The following GTF2I variants were observed in gnomAD, a reference collection of about 807,000 sequenced individuals.
The protein encoded by GTF2I is general transcription factor II-I.
A neutral mutation model predicts 67.6 loss-of-function variants in GTF2I; 12 were observed. The observed-to-expected ratio is 0.18, with a 90% confidence interval of 0.11 to 0.29. The LOEUF is 0.29. Among genes scored for constraint, GTF2I ranks in the 10% least tolerant of loss-of-function variants. The pLI is 1.00. For missense variants in GTF2I, 271 were observed against 580.1 expected, an observed-to-expected ratio of 0.47 and a Z score of 5.47; for synonymous variants, 149 against 197.0, an observed-to-expected ratio of 0.76 and a Z score of 2.04.
At chr7:74,725,174 G>A (rs895685180) in intron 12 of GTF2I, among the ~76,000 whole-genome samples, 1 of 152,102 alleles carries the variant, frequency 6.6e-6, no homozygotes, top group African/African-American at 2.4e-5. Context: ...TTTGTGGAAA[G>A]GATTTTAGGT....
intron 1 of GTF2I, among the ~76,000 whole-genome samples, chr7:74,682,639 T>G (rs587649891): frequency 6.6e-6 from 1 of 152,268 alleles, no homozygotes; most frequent in East Asian, 1.9e-4. Flanking sequence ...TAAGTAATTT[T>G]TTCACGTAAA....
intron 11 of GTF2I, among the ~76,000 whole-genome samples, chr7:74,718,081 G>C (rs1400722085): frequency 1.3e-5 from 2 of 152,166 alleles, no homozygotes; most frequent in Non-Finnish European, 2.9e-5. Context: ...GGGCAGTACC[G>C]ATGGCTCACC....
chr7:74,705,473 A>G (rs1278491888), intron 7 of GTF2I, among the ~76,000 whole-genome samples: 2 of 152,060 alleles, frequency 1.3e-5, no homozygotes, highest in African/African-American at 4.8e-5. Context: ...GGAAGTTAAT[A>G]TGCTATTCTG....
chr7:74,720,906 T>C (rs1306568085), intron 12 of GTF2I, among the ~76,000 whole-genome samples: 1 of 152,160 alleles, frequency 6.6e-6, no homozygotes, highest in Non-Finnish European at 1.5e-5. Flanking sequence ...TTTTATAGTA[T>C]AAGACTTTTA....
rs587705526 is a variant in GTF2I, at chr7:74,681,456, AAG to A, written c.-5-7666_-5-7665del. 6.1e-4 allele frequency among the ~76,000 whole-genome samples: 92 copies of A among 152,026 alleles called. 3 individuals carry two copies. The South Asian group carries it at 0.018, about 29-fold the overall frequency. ...TCTCAAAAATAAAAAAAAAGAAAAA[AAG>A]AAAAAAAAATGGGAAAGAAGGCATA... On this transcript the variant is annotated intron_variant, in intron 1 of 34. Coordinates refer to ENST00000573035, the MANE Select transcript of GTF2I (RefSeq NM_032999.4).
At chr7:74,685,199 C>A (rs1158837598) in intron 1 of GTF2I, among the ~76,000 whole-genome samples, 2 of 152,224 alleles carry the variant, frequency 1.3e-5, no homozygotes, top group African/African-American at 4.8e-5. Flanking sequence ...TACAAAGTTA[C>A]ACTTGTATGC....
At chr7:74,705,371 G>A (rs1363042281) in intron 7 of GTF2I, among the ~76,000 whole-genome samples, 153 bp downstream of exon 7, 1 of 152,088 alleles carries the variant, frequency 6.6e-6, no homozygotes, top group Non-Finnish European at 1.5e-5. Context: ...TTGTGAACAT[G>A]CCCTCTTTGA....
At chr7:74,673,433 A>G (rs969359924) in intron 1 of GTF2I, among the ~76,000 whole-genome samples, 1 of 151,564 alleles carries the variant, frequency 6.6e-6, no homozygotes, top group African/African-American at 2.4e-5. Flanking sequence ...CTAGAGTGCA[A>G]TGGTGTGATC....
In GTF2I at chr7:74,657,954, C is replaced by T. The variant is rs1390793944; in HGVS notation, c.-120C>T. ...CGCCCCCTCTCGCCTCCCGTCCGCTCGCCAGCTCCCCTCAGCCGAGGCTGC... is the reference window on the plus strand; with the variant it reads ...CGCCCCCTCTCGCCTCCCGTCCGCTTGCCAGCTCCCCTCAGCCGAGGCTGC... On this transcript the variant is annotated 5_prime_UTR_variant, in exon 1 of 35. Coordinates refer to ENST00000573035, the MANE Select transcript of GTF2I (RefSeq NM_032999.4). 6.6e-6 allele frequency: 1 copy of T among 151,964 alleles called. No homozygotes were observed. The highest frequency in any genetic ancestry group is 2.4e-5 in the African/African-American group (1 of 41,396). The allele number at this position is 151,964 out of a possible 1,614,324, so 9.4% of individuals were successfully genotyped here. A position where few individuals can be genotyped will look rare whatever the true frequency, so the allele number is the denominator to read the frequency against.
At chr7:74,720,200 C>G (rs1365029234) in intron 12 of GTF2I, among the ~76,000 whole-genome samples, 1 of 152,214 alleles carries the variant, frequency 6.6e-6, no homozygotes, top group Non-Finnish European at 1.5e-5. Context: ...ATTACATATT[C>G]CATAGGCCTC....
intron 11 of GTF2I, among the ~76,000 whole-genome samples, chr7:74,718,414 C>G (rs1207002555): frequency 2.0e-5 from 3 of 152,172 alleles, no homozygotes; most frequent in Non-Finnish European, 4.4e-5. Context: ...CTTGTGTGCA[C>G]TTGTGACACT....
chr7:74,687,600 C>CA, intron 1 of GTF2I: 1 of 950,818 alleles, frequency 1.1e-6, no homozygotes, highest in Non-Finnish European at 1.3e-6. Flanking sequence ...TCTGGGCTAG[C>CA]AGTTAATTCA....
chr7:74,694,854 C>T (rs1179262643), intron 3 of GTF2I, among the ~76,000 whole-genome samples: 2 of 152,102 alleles, frequency 1.3e-5, no homozygotes, highest in Admixed American at 1.3e-4. Context: ...GGGTTAACGC[C>T]GCTGGTTACT....
At chr7:74,692,147 C>G (rs2131299443) in intron 3 of GTF2I, among the ~76,000 whole-genome samples, 1 of 151,118 alleles carries the variant, frequency 6.6e-6, no homozygotes, top group South Asian at 2.1e-4. Flanking sequence ...GATCTCCGCT[C>G]ACTGCAACTT....
intron 3 of GTF2I, among the ~76,000 whole-genome samples, chr7:74,697,049 C>T (rs587636035): frequency 6.6e-6 from 1 of 152,242 alleles, no homozygotes; most frequent in East Asian, 1.9e-4. Flanking sequence ...ATTCATTTTA[C>T]TGGTAATACT....
intron 8 of GTF2I, among the ~76,000 whole-genome samples, chr7:74,710,685 C>T (rs761010762): frequency 6.6e-6 from 1 of 152,112 alleles, no homozygotes; most frequent in Admixed American, 6.5e-5. Flanking sequence ...GTTATTAAAA[C>T]TGATGTTTAT....
At chr7:74,696,291 A>T (rs767358250) in intron 3 of GTF2I, among the ~76,000 whole-genome samples, 1 of 151,654 alleles carries the variant, frequency 6.6e-6, no homozygotes, top group Non-Finnish European at 1.5e-5. Flanking sequence ...CTCATTGTTA[A>T]TAATTTGATC....
chr7:74,720,671 A>G lies in GTF2I; in HGVS notation c.943+1730A>G, dbSNP rs983119223. 3.3e-5 allele frequency among the ~76,000 whole-genome samples: 5 copies of G among 152,132 alleles called. No individual in the cohort carries two copies. In the East Asian group the frequency reaches 9.6e-4, roughly 29 times the overall value. On this transcript the variant is annotated intron_variant, in intron 12 of 34. Transcript: ENST00000573035. ...TTAATAGGAGGTTATTAAAATTATA[A>G]AAATAAAGCTTTTAGGGTAGGACTA...
intron 7 of GTF2I, among the ~76,000 whole-genome samples, chr7:74,705,888 G>A (rs1296213270): frequency 1.3e-5 from 2 of 151,506 alleles, no homozygotes; most frequent in East Asian, 3.9e-4. Context: ...ATGCTACTCT[G>A]TAGTATTTTA....
Sources: gnomAD v4.1 joint callset for allele counts (sites outside exome capture counted in the v4.1 genomes callset) on GRCh38, gnomAD v4.1.1 for gene constraint, MANE v1.5 for transcripts, NCBI Gene and HGNC (gene_info 2026-07-23, HGNC 2026-07-21) for gene names.